The following KLHL25 variants were observed in gnomAD, a reference collection of about 807,000 sequenced individuals.
The protein encoded by KLHL25 is kelch-like protein 25.
KLHL25 carries 41 observed loss-of-function variants against 30.0 expected under a neutral mutation model. The ratio of observed to expected loss-of-function variants is 1.37; its 90% CI spans 1.07 to 1.78. The LOEUF (loss-of-function observed/expected upper bound fraction) is 1.78, where lower values mean the gene tolerates loss of function less well. Ranked by LOEUF, KLHL25 falls within the 40% of genes most tolerant of loss-of-function variation. KLHL25 has a pLI of 0.00. For missense variants in KLHL25, 971 were observed against 824.5 expected (o/e 1.18, Z -2.18); for synonymous variants, 399 against 355.3 (o/e 1.12, Z -1.38).
intron 1 of KLHL25, among the ~76,000 whole-genome samples, chr15:85,776,328 A>G (rs1402368892): frequency 6.6e-6 from 1 of 151,898 alleles, no homozygotes. Context: ...ATCTCTACTA[A>G]AAGTATAAAA....
chr15:85,776,648 G>A (rs150083505), intron 1 of KLHL25, among the ~76,000 whole-genome samples: 1,873 of 152,108 alleles, frequency 0.012, 26 homozygotes, highest in African/African-American at 0.043. Flanking sequence ...ATCTGAGGCC[G>A]GGCACGGTGG....
chr15:85,788,360 G>T (rs2089794792), intron 1 of KLHL25, among the ~76,000 whole-genome samples: 1 of 152,134 alleles, frequency 6.6e-6, no homozygotes, highest in African/African-American at 2.4e-5. Context: ...ATCCTCACTT[G>T]ACCATCTTCC....
At chr15:85,785,094 CT>C (rs11419946) in intron 1 of KLHL25, among the ~76,000 whole-genome samples, 1,583 of 142,244 alleles carry the variant, frequency 0.011, 31 homozygotes, top group African/African-American at 0.034. Flanking sequence ...TTTCTTTTTT[CT>C]TTTTTTTTTT....
intron 1 of KLHL25, among the ~76,000 whole-genome samples, chr15:85,775,733 C>G (rs2089704918): frequency 1.3e-5 from 2 of 152,008 alleles, no homozygotes; most frequent in African/African-American, 4.8e-5. Flanking sequence ...CTCCTGAGGG[C>G]TGGCAGCACA....
chr15:85,779,511 T>C (rs1022563644), intron 1 of KLHL25, among the ~76,000 whole-genome samples: 4 of 152,218 alleles, frequency 2.6e-5, no homozygotes, highest in African/African-American at 9.7e-5. Context: ...TAAAATGGCT[T>C]AGGGGTAGGG....
intron 1 of KLHL25, among the ~76,000 whole-genome samples, chr15:85,780,558 G>A (rs913067167): frequency 6.6e-6 from 1 of 152,222 alleles, no homozygotes; most frequent in Non-Finnish European, 1.5e-5. Flanking sequence ...AGGAGTGACA[G>A]TCTTGGAGGA....
chr15:85,791,725 GA>G (rs756088033), intron 1 of KLHL25, among the ~76,000 whole-genome samples: 25 of 152,248 alleles, frequency 1.6e-4, no homozygotes, highest in African/African-American at 5.5e-4. Context: ...ACAAAAAAGG[GA>G]AAGGGGAGCC....
intron 1 of KLHL25, among the ~76,000 whole-genome samples, chr15:85,771,945 G>A (rs558962638): frequency 6.6e-6 from 1 of 152,214 alleles, no homozygotes; most frequent in Non-Finnish European, 1.5e-5. Flanking sequence ...CCGGGTCTGA[G>A]GGAAGCTTTG....
At position 85,768,627 on chromosome 15, in the gene KLHL25, C is replaced by T; in HGVS notation, c.1184G>A (p.Gly395Glu). 3.7e-6 allele frequency: 6 copies of T among 1,612,324 alleles called. No homozygotes were observed. The highest frequency in any genetic ancestry group is 2.2e-5 in the South Asian group (2 of 90,972). ...ELENCLYVVGGHTSLAGVFPA... is the reference protein window; with the variant it reads ...ELENCLYVVGEHTSLAGVFPA... ...GAAGACCCCTGCCAGGGATGTGTGT[C>T]CCCCCACCACATAGAGGCAGTTCTC... is the stretch of plus-strand genomic sequence containing the variant. The change falls in exon 2 of 3, where the codon GGA becomes GAA. Residue 395 changes from glycine to glutamate, a missense_variant. Coordinates refer to ENST00000337975, the MANE Select transcript of KLHL25 (RefSeq NM_022480.4).
intron 1 of KLHL25, among the ~76,000 whole-genome samples, chr15:85,774,768 C>T (rs971893825): frequency 2.0e-5 from 3 of 152,114 alleles, no homozygotes; most frequent in Non-Finnish European, 4.4e-5. Flanking sequence ...AGTACCCAGG[C>T]ATGAACAGCT....
chr15:85,776,465 G>A (rs903673104), intron 1 of KLHL25, among the ~76,000 whole-genome samples: 10 of 152,116 alleles, frequency 6.6e-5, no homozygotes, highest in African/African-American at 2.2e-4. Flanking sequence ...CTCCAGCCTG[G>A]GCGACAGAGA....
At chr15:85,784,806 G>C (rs553067871) in intron 1 of KLHL25, among the ~76,000 whole-genome samples, 1 of 152,158 alleles carries the variant, frequency 6.6e-6, no homozygotes, top group African/African-American at 2.4e-5. Context: ...CCTTGATTTT[G>C]GACTTGTGAG....
intron 1 of KLHL25, among the ~76,000 whole-genome samples, chr15:85,785,162 C>T (rs112008490): frequency 0.036 from 5,325 of 147,224 alleles, 143 homozygotes; most frequent in Non-Finnish European, 0.06. Flanking sequence ...GGTGTGATCT[C>T]GGCTCACTGC....
intron 1 of KLHL25, among the ~76,000 whole-genome samples, chr15:85,793,386 A>T (rs1339402106): frequency 6.6e-6 from 1 of 152,170 alleles, no homozygotes; most frequent in Non-Finnish European, 1.5e-5. Context: ...GCCAGGCCGG[A>T]AAAAGACTGA....
chr15:85,793,424 G>A (rs2089829891), intron 1 of KLHL25, among the ~76,000 whole-genome samples: 1 of 152,182 alleles, frequency 6.6e-6, no homozygotes, highest in Admixed American at 6.5e-5. Flanking sequence ...GGCACAGCTT[G>A]TGGACCCAAG....
chr15:85,782,501 T>C (rs1372636147), intron 1 of KLHL25, among the ~76,000 whole-genome samples: 1 of 147,390 alleles, frequency 6.8e-6, no homozygotes, highest in African/African-American at 2.5e-5. Flanking sequence ...TTCCTCCCTC[T>C]CTCGGCTTTA....
At position 85,769,111 on chromosome 15, in the gene KLHL25, G is replaced by T; in HGVS notation, c.700C>A (p.Arg234Ser). Residue 234 changes from arginine (R) to serine (S), a missense_variant, in exon 2 of 3, where the codon CGC becomes AGC. Transcript: ENST00000337975. ...GGCAGCAAGGCCAGACGCACGCTGC[G>T]GAGGAGCTCGGGCAAGTGGACCTTC... ...PRKVHLPELL[R>S]SVRLALLPSD... 1.2e-6 allele frequency: 2 copies of T among 1,607,276 alleles called. No individual in the cohort carries two copies. Among genetic ancestry groups the T allele is most frequent in the Non-Finnish European group, 1.7e-6 (2 of 1,175,420 alleles).
Position 85,768,703 on chromosome 15 carries a change from T to C in KLHL25, c.1108A>G (p.Lys370Glu). ...CGGGCAATCAGCATGGGCGCCGCCT[T>C]GGACCATTCCTCATGTACGGTGTCG... is the stretch of plus-strand genomic sequence containing the variant. ...VYDTVHEEWS[K>E]AAPMLIARFG... Residue 370 changes from lysine to glutamate, a missense_variant, in exon 2 of 3, where the codon AAG becomes GAG. Lys to Glu is a moderately conservative substitution (Grantham distance 56). Transcript: ENST00000337975. 6.2e-7 allele frequency: 1 copy of C among 1,613,600 alleles called. No individual in the cohort carries two copies. The highest frequency in any genetic ancestry group is 8.5e-7 in the Non-Finnish European group (1 of 1,179,958).
intron 1 of KLHL25, among the ~76,000 whole-genome samples, chr15:85,779,723 G>C (rs534536192): frequency 6.6e-6 from 1 of 152,222 alleles, no homozygotes; most frequent in African/African-American, 2.4e-5. Context: ...CTGATTAAAG[G>C]CCTGCCAAGT....
Sources: allele counts gnomAD v4.1 joint callset (sites outside exome capture counted in the v4.1 genomes callset), GRCh38; gene constraint gnomAD v4.1.1; transcripts MANE v1.5; gene names NCBI Gene and HGNC (gene_info 2026-07-23, HGNC 2026-07-21).